TEX13C: variants seen among roughly 807,000 people sequenced by gnomAD.
TEX13C encodes TEX13 family member C.
For synonymous variants in TEX13C, 219 were observed against 116.6 expected, an observed-to-expected ratio of 1.88 and a Z score of -5.65; for missense variants, 480 against 298.7, an observed-to-expected ratio of 1.61 and a Z score of -4.47.
rs760763722 is a variant in TEX13C, at chrX:125,321,932, A to G, written c.1813A>G (p.Ser605Gly). ...CCAGGAGATGGTCCCCCTGGGGGAC[A>G]GCAACAGCCATAGCCTGAAGAAAGA... Residue 605 changes from serine (S) to glycine (G), a missense_variant, in exon 1 of 1, where the codon AGC becomes GGC. Physicochemically the swap from Ser to Gly is moderately conservative, Grantham distance 56. Transcript: ENST00000632600. 58 of 507,516 alleles carry G rather than the reference A, an allele frequency of 1.1e-4. No homozygotes were observed. In the South Asian group the frequency reaches 1.4e-3, roughly 12 times the overall value. The allele number at this position is 507,516 out of a possible 1,213,427, so 41.8% of individuals were successfully genotyped here. A position where few individuals can be genotyped will look rare whatever the true frequency, so the allele number is the denominator to read the frequency against.
At chrX:125,321,603 T>A in exon 1 of TEX13C, 1 of 509,245 alleles carries the variant, frequency 2.0e-6, no homozygotes, top group Middle Eastern at 3.2e-4. Flanking sequence ...AAGGAGATGG[T>A]CCCCCTGGGG....
At chrX:125,324,229 G>A (rs987621516) in exon 1 of TEX13C, 9 of 110,962 alleles carry the variant, frequency 8.1e-5, no homozygotes, top group East Asian at 2.8e-4. Flanking sequence ...TTGTGAATTC[G>A]GTTAGAAGAT....
At chrX:125,321,945 G>T (rs2018847486) in exon 1 of TEX13C, 2 of 502,105 alleles carry the variant, frequency 4.0e-6, no homozygotes, top group Admixed American at 2.7e-5. Flanking sequence ...AACAGCCATA[G>T]CCTGAAGAAA....
rs150236967 is a variant in TEX13C, at chrX:125,322,514, C to T, written c.2395C>T (p.Pro799Ser). The T allele has an allele frequency of 1.3e-3, 640 of 511,271 alleles. 2 individuals are homozygous for T. In the African/African-American group the frequency reaches 0.013, roughly 10 times the overall value. 42.1% of individuals were successfully genotyped at this position (511,271 alleles called of 1,213,427 possible). A position where few individuals can be genotyped will look rare whatever the true frequency, so the allele number is the denominator to read the frequency against. Residue 799 changes from proline to serine, a missense_variant, in exon 1 of 1, where the codon CCA becomes TCA. By Grantham distance (74) the Pro-to-Ser change is moderately conservative. Transcript: ENST00000632600. ...CAGGAGACACAGCCTGAAGAAAGTG[C>T]CAGTGGTGCCCCAGGGGACAGCCTC...
At chrX:125,321,918 T>G (rs1237659984) in exon 1 of TEX13C, 1 of 509,521 alleles carries the variant, frequency 2.0e-6, no homozygotes, top group Non-Finnish European at 3.5e-6. Context: ...CAGGAGATGG[T>G]CCCCCTGGGG....
chrX:125,321,197 A>G (rs764243462), exon 1 of TEX13C: 23 of 513,529 alleles, frequency 4.5e-5, no homozygotes, highest in Non-Finnish European at 1.4e-5. Context: ...CAGCCTGGAG[A>G]AAAAACCAGT....
exon 1 of TEX13C, chrX:125,320,354 G>T (rs1212864646): frequency 1.9e-6 from 1 of 515,976 alleles, no homozygotes; most frequent in Non-Finnish European, 3.5e-6. Context: ...TGTGCAAGTG[G>T]CTGCGAGGCA....
At chrX:125,320,686 G>A (rs1282604471) in exon 1 of TEX13C, 3 of 514,108 alleles carry the variant, frequency 5.8e-6, no homozygotes, top group Non-Finnish European at 7.0e-6. Context: ...TGGCCACAGA[G>A]GCACAGGGAA....
chrX:125,320,207 G>A (rs1366863343), exon 1 of TEX13C: 4 of 514,707 alleles, frequency 7.8e-6, no homozygotes, highest in Admixed American at 5.3e-5. Context: ...CAGGAACGGC[G>A]GCAGCCCAGC....
exon 1 of TEX13C, chrX:125,323,310 G>T (rs1337585432): frequency 3.1e-6 from 1 of 319,927 alleles, no homozygotes; most frequent in African/African-American, 2.7e-5. Flanking sequence ...ACACAAATAC[G>T]TATGTATTTA....
chrX:125,322,888 C>T, exon 1 of TEX13C: 2 of 515,132 alleles, frequency 3.9e-6, no homozygotes, highest in East Asian at 3.6e-5. Context: ...TGAAAAATAG[C>T]CCATGGAAAC....
At chrX:125,321,289 C>A in exon 1 of TEX13C, 1 of 513,181 alleles carries the variant, frequency 1.9e-6, no homozygotes, top group South Asian at 2.5e-5. Context: ...AGGAGATTGT[C>A]CCCATAGGGG....
chrX:125,320,693 G>A, exon 1 of TEX13C: 1 of 515,482 alleles, frequency 1.9e-6, no homozygotes, highest in Non-Finnish European at 3.5e-6. Flanking sequence ...AGAGGCACAG[G>A]GAATGCCACA....
chrX:125,320,578 G>A (rs1421108059), exon 1 of TEX13C: 2 of 515,920 alleles, frequency 3.9e-6, no homozygotes, highest in East Asian at 7.2e-5. Context: ...AGAGATCCAT[G>A]CAGGTCTATC....
exon 1 of TEX13C, chrX:125,322,737 A>C (rs2018860668): frequency 2.0e-6 from 1 of 511,831 alleles, no homozygotes; most frequent in Non-Finnish European, 3.5e-6. Flanking sequence ...TCCTTGGGGG[A>C]CAGCAACAGC....
chrX:125,325,095 G>A (rs1335657743), exon 1 of TEX13C: 1 of 111,640 alleles, frequency 9.0e-6, no homozygotes, highest in East Asian at 2.9e-4. Flanking sequence ...GGTTAGATCT[G>A]CCTTCAATCC....
exon 1 of TEX13C, chrX:125,321,427 C>T: frequency 2.0e-6 from 1 of 509,623 alleles, no homozygotes; most frequent in Non-Finnish European, 3.5e-6. Flanking sequence ...CCCTGGGGGA[C>T]AGCAACAGCC....
chrX:125,319,994 A>G, upstream of TEX13C: 1 of 443,879 alleles, frequency 2.3e-6, no homozygotes, highest in Non-Finnish European at 3.9e-6. Flanking sequence ...CTGAGCAAGG[A>G]CTAAAGTAAG....
exon 1 of TEX13C, chrX:125,322,808 A>G (rs2018861185): frequency 1.9e-6 from 1 of 513,794 alleles, no homozygotes; most frequent in South Asian, 2.5e-5. Flanking sequence ...GTTTAGCAAG[A>G]GCCACAGCCA....
Sources: allele counts gnomAD v4.1 joint callset, GRCh38; gene constraint gnomAD v4.1.1; transcripts MANE v1.5; gene names NCBI Gene and HGNC (gene_info 2026-07-23, HGNC 2026-07-21).